PRDM15: variants seen among roughly 807,000 people sequenced by gnomAD.
PRDM15 encodes PR domain zinc finger protein 15.
In PRDM15, 64 loss-of-function variants were observed where a neutral mutation model predicts 128.6. The ratio of observed to expected loss-of-function variants is 0.50; its 90% CI spans 0.41 to 0.61. The LOEUF (loss-of-function observed/expected upper bound fraction) is 0.61, where lower values mean the gene tolerates loss of function less well. Among genes scored for constraint, PRDM15 ranks in the 20% least tolerant of loss-of-function variants. The pLI, the probability that PRDM15 is intolerant of heterozygous loss-of-function variation, is 0.00. For missense variants in PRDM15, 1,242 were observed against 1,569.1 expected (o/e 0.79, Z 3.52); for synonymous variants, 615 against 621.8 (o/e 0.99, Z 0.16).
In PRDM15 at chr21:41,836,555, C is replaced by T. The variant is rs781632486; in HGVS notation, c.1096G>A (p.Gly366Arg). ...GIRRKLIKQL[G>R]EHKRVYQCNI... Reference sequence around the variant, plus strand: ...CACTGGTAAACCCGCTTGTGCTCCCCGAGCTGTTTGATGAGCTTGCGCCGG... The same window carrying T: ...CACTGGTAAACCCGCTTGTGCTCCCTGAGCTGTTTGATGAGCTTGCGCCGG... The change falls in exon 9 of 24, where the codon GGG becomes AGG. Residue 366 changes from glycine to arginine, a missense_variant. Gly to Arg is a moderately radical substitution (Grantham distance 125). Transcript: ENST00000398548. The T allele has an allele frequency of 6.8e-6, 11 of 1,613,252 alleles. No individual in the cohort carries two copies. Among genetic ancestry groups the T allele is most frequent in the Admixed American group, 3.3e-5 (2 of 59,968 alleles).
rs1601315549 is a variant in PRDM15, at chr21:41,837,962, T to G, written c.973A>C (p.Thr325Pro). The change falls in exon 8 of 24, where the codon ACC becomes CCC. Residue 325 changes from threonine to proline, a missense_variant. Around this residue, in one of 3 missense-constraint regions of PRDM15, gnomAD observed 612 missense variants for 717.0 expected, o/e 0.85. Transcript: ENST00000398548. ...GGAACCGAGCTGGTGTCAGTGGTGG[T>G]GGTGGCCAGCTTCCCCAGAACCAGC... ...MELVLGKLATTTTDTSSVPKF... is the reference protein window; with the variant it reads ...MELVLGKLATPTTDTSSVPKF... The G allele has an allele frequency of 6.2e-7, 1 of 1,614,202 alleles. No individual in the cohort carries two copies. The highest frequency in any genetic ancestry group is 8.5e-7 in the Non-Finnish European group (1 of 1,180,038).
intron 5 of PRDM15, among the ~76,000 whole-genome samples, chr21:41,849,380 C>T (rs909417235): frequency 1.3e-5 from 2 of 151,956 alleles, no homozygotes; most frequent in Non-Finnish European, 2.9e-5. Flanking sequence ...CCAGCCTGGG[C>T]AACATAGCAA....
chr21:41,844,764 G>GACAC (rs2063193492), intron 6 of PRDM15, among the ~76,000 whole-genome samples: 1 of 8,852 alleles, frequency 1.1e-4, no homozygotes. Context: ...CCCTCACAGG[G>GACAC]ACACACACAG....
Position 41,828,818 on chromosome 21 carries a change from A to G in PRDM15, c.1367-485T>C, listed in dbSNP as rs2146480810. On this transcript the variant is annotated intron_variant, in intron 11 of 23. Coordinates refer to ENST00000398548, the MANE Select transcript of PRDM15 (RefSeq NM_001040424.3). This position sits in a 1 kb window ranked among gnomAD's most constrained non-coding sequence, Gnocchi z 5.7. The stretch of plus-strand genomic sequence containing the variant: ...GGATCCCTGGTGTTGGCCCCTCCCA[A>G]CTCCTTCCCCGTGGGCGGGCATCAA... 6.7e-6 allele frequency among the ~76,000 whole-genome samples: 1 copy of G among 150,322 alleles called. No individual in the cohort carries two copies. The highest frequency in any genetic ancestry group is 3.4e-3 in the Middle Eastern group (1 of 294).
rs3850706 is a variant in PRDM15, at chr21:41,801,323, A to G, written c.3343T>C (p.Ser1115Pro). 1,574,893 of 1,582,892 alleles carry G rather than the reference A, an allele frequency of 0.99. 783,471 individuals are homozygous for G. The highest frequency in any genetic ancestry group is 1 in the East Asian group (44,510 of 44,510). The stretch of plus-strand genomic sequence containing the variant: ...TGCTGTGGGGGTGCCTGCGGCTGCG[A>G]GGGTGGCAAGACGTCAGTCTGGGGC... ...AVPQTDVLPPSQPQAPPQQAA... is the reference protein window; with the variant it reads ...AVPQTDVLPPPQPQAPPQQAA... The change falls in exon 24 of 24, where the codon TCG becomes CCG. Residue 1115 changes from serine to proline, a missense_variant. Around this residue, in one of 3 missense-constraint regions of PRDM15, gnomAD observed 602 missense variants for 788.3 expected, o/e 0.76. Transcript: ENST00000398548.
At chr21:41,835,346 T>G (rs758048216) in intron 11 of PRDM15, 91 bp downstream of exon 11, 1 of 1,052,732 alleles carries the variant, frequency 9.5e-7, no homozygotes, top group Non-Finnish European at 1.4e-6. Flanking sequence ...GAAAACAATC[T>G]TTACTTTGGC....
intron 1 of PRDM15, among the ~76,000 whole-genome samples, chr21:41,876,583 C>A (rs976430206): frequency 6.6e-6 from 1 of 152,382 alleles, no homozygotes; most frequent in African/African-American, 2.4e-5. Flanking sequence ...AGTTTCCACA[C>A]CCCAGGGCCA....
rs966892704 is a variant in PRDM15 at position 41,828,318 on chromosome 21, T to C, written c.1382A>G (p.Gln461Arg). Reference sequence around the variant, plus strand: ...GAAGAATCTGAAACACATCTCACATTGGAACGTCTTGTCATCTGTCCAGAG... The same window carrying C: ...GAAGAATCTGAAACACATCTCACATCGGAACGTCTTGTCATCTGTCCAGAG... ...HNCRTDDKTF[Q>R]CEMCFRFFST... The change falls in exon 12 of 24, where the codon CAA becomes CGA. Residue 461 changes from glutamine to arginine, a missense_variant. Transcript: ENST00000398548. This position sits in a 1 kb window ranked among gnomAD's most constrained non-coding sequence, Gnocchi z 5.7. The C allele has an allele frequency of 1.9e-6, 3 of 1,614,016 alleles. No homozygotes were observed. The South Asian group carries it at 3.3e-5, about 18-fold the overall frequency.
chr21:41,876,571 G>A (rs953397955), intron 1 of PRDM15, among the ~76,000 whole-genome samples: 17 of 152,226 alleles, frequency 1.1e-4, no homozygotes, highest in Admixed American at 4.6e-4. Context: ...CTGGGACCCC[G>A]CAGTTTCCAC....
At chr21:41,829,650 C>T (rs1197760848) in intron 11 of PRDM15, among the ~76,000 whole-genome samples, 3 of 150,982 alleles carry the variant, frequency 2.0e-5, no homozygotes, top group Admixed American at 1.3e-4. Flanking sequence ...ACCACAAATA[C>T]ATTCAACACA....
In PRDM15 at chr21:41,819,675, A is replaced by G; in HGVS notation, c.2167T>C (p.Cys723Arg). The change falls in exon 18 of 24, where the codon TGT (cysteine) becomes CGT (arginine). Residue 723 changes from cysteine to arginine, a missense_variant. This residue lies in a region of PRDM15 where 602 missense variants were observed against 788.3 expected (regional missense o/e 0.76). Coordinates refer to ENST00000398548, the MANE Select transcript of PRDM15 (RefSeq NM_001040424.3). ...TCCTTCCTGGCAAAGGACTTCCCAC[A>G]CTGCTCGCAGGCGTGGCTCTTCACA... ...TGVKSHACEQ[C>R]GKSFARKDML... 1 of 1,607,676 alleles carries G rather than the reference A, an allele frequency of 6.2e-7. No individual in the cohort carries two copies. The highest frequency in any genetic ancestry group is 8.5e-7 in the Non-Finnish European group (1 of 1,178,710).
At chr21:41,845,591 C>T (rs78538907) in intron 6 of PRDM15, among the ~76,000 whole-genome samples, 5,328 of 151,910 alleles carry the variant, frequency 0.035, 237 homozygotes, top group East Asian at 0.24. Context: ...GGGACTCCTG[C>T]CTCTGTTTAC....
rs139469209 is a variant in PRDM15 at position 41,818,797 on chromosome 21, G to C, written c.2260+785C>G. The stretch of plus-strand genomic sequence containing the variant: ...TGTTTTAAAAAAAAAATAAAAACAG[G>C]AATGGGTTAAAATTATGATGTGTAC... On this transcript the variant is annotated intron_variant, in intron 18 of 23. Coordinates refer to ENST00000398548, the MANE Select transcript of PRDM15 (RefSeq NM_001040424.3). Among the ~76,000 whole-genome samples, 294 of 152,246 alleles carry C rather than the reference G, an allele frequency of 1.9e-3. 1 individual carries two copies. Among genetic ancestry groups the C allele is most frequent in the African/African-American group, 6.4e-3 (267 of 41,542 alleles).
In PRDM15 at chr21:41,828,064, C is replaced by T. The variant is rs73903600; in HGVS notation, c.1534+102G>A. 3,311 of 1,274,624 alleles carry T rather than the reference C, an allele frequency of 2.6e-3. 75 individuals carry two copies. In the African/African-American group the frequency reaches 0.042, roughly 16 times the overall value. The allele number at this position is 1,274,624 out of a possible 1,614,324, so 79.0% of individuals were successfully genotyped here. On this transcript the variant is annotated intron_variant, in intron 12 of 23. Transcript: ENST00000398548. The surrounding 1 kb of genome is among the most constrained non-coding windows in gnomAD (Gnocchi z 5.7). ...TTCCAGGCAAAGGAGCAGGCGGCAC[C>T]GAACTGCTCCCCAAAGGCCCTGCTG... is the stretch of plus-strand genomic sequence containing the variant.
Position 41,821,958 on chromosome 21 carries a change from T to G in PRDM15, c.1841A>C (p.Asn614Thr). The change falls in exon 15 of 24, where the codon AAT becomes ACT. Residue 614 changes from asparagine to threonine, a missense_variant. Physicochemically the swap from Asn to Thr is moderately conservative, Grantham distance 65. Transcript: ENST00000398548. This position sits in a 1 kb window ranked among gnomAD's most constrained non-coding sequence, Gnocchi z 5.4. ...CTCCGAGTCTGCGCTCTCGTCAGAA[T>G]TGTCATCGTTTTCTTCCGAGGAGAT... ...IGISSEENDD[N>T]SDESADSEPH... 6.2e-7 allele frequency: 1 copy of G among 1,614,224 alleles called. No individual in the cohort carries two copies. Among genetic ancestry groups the G allele is most frequent in the Non-Finnish European group, 8.5e-7 (1 of 1,180,042 alleles).
At chr21:41,804,513 C>G in intron 22 of PRDM15, 21 bp downstream of exon 22, 1 of 1,553,178 alleles carries the variant, frequency 6.4e-7, no homozygotes, top group Non-Finnish European at 8.7e-7. Flanking sequence ...TTCTGAGCCC[C>G]TGGGGCCCCA....
rs1214455073 is a variant in PRDM15, at chr21:41,800,097, T to C, written c.*1143A>G. 6.6e-6 allele frequency: 1 copy of C among 152,274 alleles called. No individual in the cohort carries two copies. The highest frequency in any genetic ancestry group is 1.5e-5 in the Non-Finnish European group (1 of 68,052). The allele number at this position is 152,274 out of a possible 1,614,324, so 9.4% of individuals were successfully genotyped here. On this transcript the variant is annotated 3_prime_UTR_variant, in exon 24 of 24. Coordinates refer to ENST00000398548, the MANE Select transcript of PRDM15 (RefSeq NM_001040424.3). ...CTGGCAGGAAATAGCATTTTCTCTG[T>C]GTTTCAGAAATACCTACACTTTTCC...
At chr21:41,804,042 G>A (rs1601727630) in intron 22 of PRDM15, among the ~76,000 whole-genome samples, 1 of 143,644 alleles carries the variant, frequency 7.0e-6, no homozygotes, top group Non-Finnish European at 1.5e-5. Context: ...TCGGCTCATT[G>A]CAACCTCCGC....
intron 11 of PRDM15, 142 bp downstream of exon 11, chr21:41,835,295 A>C: frequency 1.4e-6 from 1 of 695,632 alleles, no homozygotes; most frequent in Non-Finnish European, 2.5e-6. Context: ...TTGAAGCAAA[A>C]TGGACAGAGG....
Sources: allele counts gnomAD v4.1 joint callset (sites outside exome capture counted in the v4.1 genomes callset), GRCh38; gene constraint gnomAD v4.1.1; regional missense constraint gnomAD v4.1.1; non-coding constraint Gnocchi (gnomAD v3.1); transcripts MANE v1.5; gene names NCBI Gene and HGNC (gene_info 2026-07-23, HGNC 2026-07-21).